The following ADGRB3 variants were observed in gnomAD, a reference collection of about 807,000 sequenced individuals.
ADGRB3 encodes adhesion G protein-coupled receptor B3, also known as brain-specific angiogenesis inhibitor 3.
Under a neutral mutation model 193.4 loss-of-function variants are expected in ADGRB3, and 37 were observed. The ratio of observed to expected loss-of-function variants is 0.19; its 90% CI spans 0.15 to 0.25. ADGRB3 has a LOEUF of 0.25. ADGRB3 is among the 10% of genes least tolerant of loss of function. ADGRB3 has a pLI of 1.00. For missense variants in ADGRB3, 1,637 were observed against 1,852.9 expected, an observed-to-expected ratio of 0.88 and a Z score of 2.14; for synonymous variants, 690 against 644.2, an observed-to-expected ratio of 1.07 and a Z score of -1.08.
chr6:68,706,837 C>G (rs2127313100), intron 3 of ADGRB3, among the ~76,000 whole-genome samples: 1 of 152,174 alleles, frequency 6.6e-6, no homozygotes, highest in African/African-American at 2.4e-5. Flanking sequence ...GGAGGCTGGG[C>G]GTGGTGGCTC....
At chr6:69,075,074 C>G (rs1282260291) in intron 16 of ADGRB3, among the ~76,000 whole-genome samples, 2 of 152,138 alleles carry the variant, frequency 1.3e-5, no homozygotes, top group Non-Finnish European at 2.9e-5. Context: ...ATATCTAATA[C>G]AATCTTAGTT....
intron 3 of ADGRB3, among the ~76,000 whole-genome samples, chr6:68,801,022 G>C (rs1017907160): frequency 2.6e-5 from 4 of 152,130 alleles, no homozygotes; most frequent in African/African-American, 9.7e-5. Context: ...GAGATTGCAT[G>C]ATCATGAGAT....
At position 69,033,756 on chromosome 6, in the gene ADGRB3, T is replaced by TAC. The variant is rs1297017498; in HGVS notation, c.2108-14427_2108-14426dup. ...TTTTAGATATCGTTAAAATTCATAC[T>TAC]ACAGGCTTAAGGAAAAGTTAGGTGG... On this transcript the variant is annotated intron_variant, in intron 13 of 31. Coordinates refer to ENST00000370598, the MANE Select transcript of ADGRB3 (RefSeq NM_001704.3). Among the ~76,000 whole-genome samples the TAC allele has an allele frequency of 5.3e-5, 8 of 152,224 alleles. No individual in the cohort carries two copies. In the South Asian group the frequency reaches 1.7e-3, roughly 32 times the overall value.
At chr6:68,965,515 A>G (rs1400992918) in intron 8 of ADGRB3, among the ~76,000 whole-genome samples, 2 of 152,058 alleles carry the variant, frequency 1.3e-5, no homozygotes, top group Non-Finnish European at 2.9e-5. Flanking sequence ...CTGAAATTCT[A>G]GCATATGGGG....
chr6:68,774,398 A>G (rs1410024638), intron 3 of ADGRB3, among the ~76,000 whole-genome samples: 1 of 148,822 alleles, frequency 6.7e-6, no homozygotes, highest in Non-Finnish European at 1.5e-5. Flanking sequence ...GGTGGGGGGA[A>G]TATGAAATTC....
intron 20 of ADGRB3, among the ~76,000 whole-genome samples, chr6:69,249,103 G>C (rs540749615): frequency 9.9e-5 from 15 of 152,236 alleles, no homozygotes; most frequent in South Asian, 4.2e-4. Flanking sequence ...TTAGCCTCCT[G>C]AGTAGCTGGG....
At chr6:68,732,735 T>C (rs1390112721) in intron 3 of ADGRB3, among the ~76,000 whole-genome samples, 1 of 151,936 alleles carries the variant, frequency 6.6e-6, no homozygotes, top group Non-Finnish European at 1.5e-5. Context: ...TGCAGACTCC[T>C]ATCATGATAT....
At chr6:69,082,528 C>T (rs1366059751) in intron 17 of ADGRB3, among the ~76,000 whole-genome samples, 5 of 151,932 alleles carry the variant, frequency 3.3e-5, no homozygotes, top group African/African-American at 1.2e-4. Context: ...CATTAATTCT[C>T]TCTTCAGTTT....
intron 17 of ADGRB3, among the ~76,000 whole-genome samples, chr6:69,184,892 T>A (rs1418856286): frequency 6.6e-6 from 1 of 152,106 alleles, no homozygotes; most frequent in South Asian, 2.1e-4. Flanking sequence ...AATGTCTGAT[T>A]TGAAGATTTG....
chr6:69,306,623 T>C (rs1768071299), intron 20 of ADGRB3, among the ~76,000 whole-genome samples: 1 of 151,558 alleles, frequency 6.6e-6, no homozygotes, highest in Non-Finnish European at 1.5e-5. Context: ...GCTTAGCAAG[T>C]AAGTGTTTTT....
intron 13 of ADGRB3, among the ~76,000 whole-genome samples, chr6:69,026,248 C>T (rs562648316): frequency 1.2e-3 from 181 of 152,242 alleles, no homozygotes; most frequent in African/African-American, 4.3e-3. Flanking sequence ...GAGTGGTTAA[C>T]GAGTCAAGAG....
At chr6:69,088,740 G>A (rs1020968120) in intron 17 of ADGRB3, among the ~76,000 whole-genome samples, 1 of 152,136 alleles carries the variant, frequency 6.6e-6, no homozygotes, top group African/African-American at 2.4e-5. Flanking sequence ...AGAGAAAAAA[G>A]TTTATTTTGC....
intron 16 of ADGRB3, among the ~76,000 whole-genome samples, chr6:69,070,288 TA>T (rs1315986048): frequency 6.6e-6 from 1 of 152,136 alleles, no homozygotes; most frequent in Non-Finnish European, 1.5e-5. Flanking sequence ...AAAATCTGAA[TA>T]AAAAATAGAG....
At chr6:69,251,959 T>C (rs1232845548) in intron 20 of ADGRB3, among the ~76,000 whole-genome samples, 1 of 152,156 alleles carries the variant, frequency 6.6e-6, no homozygotes, top group Non-Finnish European at 1.5e-5. Flanking sequence ...ACATACATAA[T>C]ATGATGAGGT....
intron 3 of ADGRB3, among the ~76,000 whole-genome samples, chr6:68,834,477 A>G (rs1178158002): frequency 1.3e-5 from 2 of 152,188 alleles, no homozygotes; most frequent in Admixed American, 1.3e-4. Flanking sequence ...AAAATCTAAA[A>G]TATAAGTGAT....
intron 3 of ADGRB3, among the ~76,000 whole-genome samples, chr6:68,742,847 A>G (rs1272450166): frequency 1.3e-5 from 2 of 152,054 alleles, no homozygotes; most frequent in African/African-American, 4.8e-5. Flanking sequence ...AATATTTTAT[A>G]TAGTGGGATA....
chr6:68,966,186 T>C (rs1007771291), intron 8 of ADGRB3, among the ~76,000 whole-genome samples: 16 of 152,170 alleles, frequency 1.1e-4, no homozygotes, highest in Admixed American at 7.9e-4. Flanking sequence ...GCCATAGTGC[T>C]GAGCCCATTC....
chr6:68,869,988 A>AG (rs1765411987), intron 3 of ADGRB3, among the ~76,000 whole-genome samples: 1 of 152,220 alleles, frequency 6.6e-6, no homozygotes, highest in African/African-American at 2.4e-5. Context: ...CATGTTGGCT[A>AG]GACTTGTCTC....
intron 3 of ADGRB3, among the ~76,000 whole-genome samples, chr6:68,803,281 A>C (rs1466540030): frequency 1.3e-5 from 2 of 152,162 alleles, no homozygotes; most frequent in African/African-American, 4.8e-5. Flanking sequence ...AGGACCCTCC[A>C]GGCTATCCAC....
Sources: allele counts gnomAD v4.1 joint callset (sites outside exome capture counted in the v4.1 genomes callset), GRCh38; gene constraint gnomAD v4.1.1; transcripts MANE v1.5; gene names NCBI Gene and HGNC (gene_info 2026-07-23, HGNC 2026-07-21).